Variants in MORN1 observed in about 807,000 individuals in gnomAD.
The protein encoded by MORN1 is MORN repeat containing 1.
MORN1 carries 67 observed loss-of-function variants against 61.9 expected under a neutral mutation model. The observed-to-expected ratio is 1.08, with a 90% CI of 0.89 to 1.33. The LOEUF (loss-of-function observed/expected upper bound fraction) is 1.33, where lower values mean the gene tolerates loss of function less well. Ranked by LOEUF, MORN1 falls within the 40% of genes most tolerant of loss-of-function variation. The pLI, the probability that MORN1 is intolerant of heterozygous loss-of-function variation, is 0.00. For synonymous variants in MORN1, 301 were observed against 292.0 expected (o/e 1.03, Z -0.31); for missense variants, 752 against 691.2 (o/e 1.09, Z -0.99).
At chr1:2,348,771 AGG>A (rs1641581420) in intron 10 of MORN1, among the ~76,000 whole-genome samples, 1 of 132,738 alleles carries the variant, frequency 7.5e-6, no homozygotes, top group Non-Finnish European at 1.6e-5. Context: ...ACACCTGCGC[AGG>A]CACGCACACA....
At position 2,326,799 on chromosome 1, in the gene MORN1, C is replaced by T. The variant is rs569258656; in HGVS notation, c.1251-2656G>A. Reference sequence around the variant, plus strand: ...GCAGACACATCCTGCTCCCTCCTGACTTTCGGAGGCCTGGCCTGGCATCGG... The same window carrying T: ...GCAGACACATCCTGCTCCCTCCTGATTTTCGGAGGCCTGGCCTGGCATCGG... On this transcript the variant is annotated intron_variant, in intron 12 of 13. Transcript: ENST00000378531. 11 of 152,474 alleles carry T rather than the reference C, an allele frequency of 7.2e-5. No individual in the cohort carries two copies. The East Asian group carries it at 2.1e-3, about 29-fold the overall frequency. The allele number at this position is 152,474 out of a possible 1,614,324, so 9.4% of individuals were successfully genotyped here.
chr1:2,363,848 A>G (rs1641948686), intron 8 of MORN1, among the ~76,000 whole-genome samples: 2 of 150,898 alleles, frequency 1.3e-5, no homozygotes, highest in East Asian at 3.9e-4. Context: ...AGATGATAAA[A>G]TGGAATCATA....
intron 4 of MORN1, 28 bp downstream of exon 4, chr1:2,387,391 C>T (rs766317016): frequency 3.8e-6 from 6 of 1,564,376 alleles, no homozygotes; most frequent in South Asian, 2.2e-5. Context: ...CCCACCCTCA[C>T]AGCACCCGGC....
At chr1:2,323,915 C>A in intron 13 of MORN1, 182 bp downstream of exon 13, 1 of 984,962 alleles carries the variant, frequency 1.0e-6, no homozygotes. Flanking sequence ...CCCAAGCCAC[C>A]AGCCCCCTTC....
chr1:2,332,817 G>A, intron 12 of MORN1: 1 of 437,378 alleles, frequency 2.3e-6, no homozygotes, highest in Non-Finnish European at 4.7e-6. Context: ...GACGAGGGGA[G>A]AAGCCGGAGC....
At chr1:2,385,549 CGGGG>C in intron 5 of MORN1, 5 of 96,036 alleles carry the variant, frequency 5.2e-5, no homozygotes, top group Admixed American at 2.7e-4. Flanking sequence ...GTATTTTAAT[CGGGG>C]GGGGGGGGGA....
chr1:2,336,929 G>C, intron 10 of MORN1, 79 bp from the exon 11 acceptor site: 1 of 1,395,810 alleles, frequency 7.2e-7, no homozygotes, highest in Non-Finnish European at 9.4e-7. Context: ...CTGTGCTGAA[G>C]TGTGGCTCTG....
At chr1:2,369,355 G>GAAAAAAAAAAAAAAA (rs55703845) in intron 8 of MORN1, among the ~76,000 whole-genome samples, 1 of 80,634 alleles carries the variant, frequency 1.2e-5, no homozygotes, top group Non-Finnish European at 2.2e-5. Flanking sequence ...CTCAGTCTCA[G>GAAAAAAAAAAAAAAA]AAAAAAAAAA....
rs1340360174 is a variant in MORN1, at chr1:2,375,884, C to CA, written c.538-1328dup. The CA allele has an allele frequency of 2.0e-5, 3 of 152,440 alleles. No homozygotes were observed. The East Asian group carries it at 5.8e-4, about 29-fold the overall frequency. The allele number at this position is 152,440 out of a possible 1,614,324, so 9.4% of individuals were successfully genotyped here. A position where few individuals can be genotyped will look rare whatever the true frequency, so the allele number is the denominator to read the frequency against. On this transcript the variant is annotated intron_variant, in intron 6 of 13. Transcript: ENST00000378531. ...TCCAAGCTGAGCGCACCACTGACGT[C>CA]ACCCCATCGGCCTAGACAGTTGCCC...
chr1:2,388,113 C>T, intron 3 of MORN1, 126 bp downstream of exon 3: 2 of 729,042 alleles, frequency 2.7e-6, no homozygotes, highest in Non-Finnish European at 4.6e-6. Context: ...TCTCGGTAGG[C>T]CAGGCCTCTC....
chr1:2,384,486 G>C (rs1031033157), intron 6 of MORN1, among the ~76,000 whole-genome samples: 5 of 152,252 alleles, frequency 3.3e-5, no homozygotes, highest in Non-Finnish European at 7.3e-5. Flanking sequence ...AGACACAGGA[G>C]AAGCTCCCTT....
intron 10 of MORN1, chr1:2,355,177 C>T (rs992942637): frequency 5.0e-6 from 6 of 1,198,874 alleles, no homozygotes; most frequent in African/African-American, 4.8e-5. Context: ...GCATGGCGCC[C>T]AGTAAGTATT....
At chr1:2,347,352 G>C (rs567369303) in intron 10 of MORN1, among the ~76,000 whole-genome samples, 2 of 152,190 alleles carry the variant, frequency 1.3e-5, no homozygotes, top group Admixed American at 1.3e-4. Flanking sequence ...CAGATGGCCC[G>C]TGTGTGTGCT....
chr1:2,352,191 A>T (rs1249337953), intron 10 of MORN1: 3 of 222,464 alleles, frequency 1.3e-5, no homozygotes, highest in East Asian at 2.4e-4. Context: ...GAGCAATTAA[A>T]AAAAAAAGAA....
intron 12 of MORN1, among the ~76,000 whole-genome samples, chr1:2,329,345 A>C (rs979202629): frequency 2.6e-5 from 4 of 152,146 alleles, no homozygotes; most frequent in Non-Finnish European, 5.9e-5. Context: ...AAAGTTTCTA[A>C]AGAAGAACCC....
intron 6 of MORN1, 86 bp from the exon 7 acceptor site, chr1:2,374,643 A>G: frequency 8.5e-7 from 1 of 1,174,270 alleles, no homozygotes; most frequent in Non-Finnish European, 1.2e-6. Context: ...TCCTGGTGCT[A>G]CAGCAGGGCC....
intron 6 of MORN1, among the ~76,000 whole-genome samples, chr1:2,383,410 C>T (rs1029389619): frequency 2.1e-4 from 32 of 152,324 alleles, no homozygotes; most frequent in Admixed American, 2.0e-3. Context: ...CTGGCAGCCA[C>T]ACCCTCTCTG....
chr1:2,358,386 G>A (rs866451566), intron 9 of MORN1, among the ~76,000 whole-genome samples: 8 of 152,140 alleles, frequency 5.3e-5, no homozygotes, highest in East Asian at 1.9e-4. Flanking sequence ...AGGGGCTCGC[G>A]GTCTCAGAAG....
chr1:2,329,263 C>T (rs1230196756), intron 12 of MORN1, among the ~76,000 whole-genome samples: 15 of 152,348 alleles, frequency 9.8e-5, no homozygotes, highest in African/African-American at 2.9e-4. Context: ...CAGCTGTTCC[C>T]GCCCGGCCCT....
Sources: gnomAD v4.1 joint callset for allele counts (sites outside exome capture counted in the v4.1 genomes callset) on GRCh38, gnomAD v4.1.1 for gene constraint, MANE v1.5 for transcripts, NCBI Gene and HGNC (gene_info 2026-07-23, HGNC 2026-07-21) for gene names.